The following PPHLN1 variants were observed in gnomAD, a reference collection of about 807,000 sequenced individuals.
PPHLN1 encodes periphilin-1.
A neutral mutation model predicts 51.3 loss-of-function variants in PPHLN1; 29 were observed. The ratio of observed to expected loss-of-function variants is 0.57; its 90% CI spans 0.42 to 0.77. The LOEUF (loss-of-function observed/expected upper bound fraction) is 0.77. Among genes scored for constraint, PPHLN1 ranks in the 30% least tolerant of loss-of-function variants. The pLI, the probability that PPHLN1 is intolerant of heterozygous loss-of-function variation, is 0.00. For missense variants in PPHLN1, 436 were observed against 438.4 expected (o/e 0.99, Z 0.05); for synonymous variants, 147 against 147.8 (o/e 0.99, Z 0.04).
chr12:42,378,964 C>T (rs1368258704), intron 5 of PPHLN1, among the ~76,000 whole-genome samples: 2 of 152,016 alleles, frequency 1.3e-5, no homozygotes, highest in African/African-American at 4.8e-5. Flanking sequence ...TCCCAGTTAA[C>T]CTCATGTCCT....
At chr12:42,385,818 T>A (rs1389876317) in intron 6 of PPHLN1, among the ~76,000 whole-genome samples, 1 of 152,172 alleles carries the variant, frequency 6.6e-6, no homozygotes, top group Non-Finnish European at 1.5e-5. Context: ...GCCACAGATA[T>A]TTGGAAATGA....
downstream of PPHLN1, chr12:42,446,075 C>T (rs370089469): frequency 1.9e-6 from 3 of 1,549,760 alleles, no homozygotes; most frequent in Non-Finnish European, 2.6e-6. Context: ...GGCCCCGCAG[C>T]CCCCGCAGGC....
downstream of PPHLN1, chr12:42,446,945 C>A: frequency 3.6e-6 from 1 of 278,690 alleles, no homozygotes; most frequent in African/African-American, 2.2e-5. Context: ...AGGGGGGCGA[C>A]AATGTTCATT....
chr12:42,343,293 T>C (rs1365381251), intron 2 of PPHLN1, among the ~76,000 whole-genome samples: 1 of 152,208 alleles, frequency 6.6e-6, no homozygotes, highest in Non-Finnish European at 1.5e-5. Context: ...ATATTATTAT[T>C]GTTTTATACA....
At chr12:42,397,652 A>G (rs957217871) in intron 8 of PPHLN1, among the ~76,000 whole-genome samples, 4 of 152,088 alleles carry the variant, frequency 2.6e-5, no homozygotes, top group Non-Finnish European at 4.4e-5. Flanking sequence ...GAATGTTGCT[A>G]GTGGAATTCT....
intron 8 of PPHLN1, among the ~76,000 whole-genome samples, chr12:42,397,809 T>C (rs972172294): frequency 6.6e-5 from 10 of 152,098 alleles, no homozygotes; most frequent in African/African-American, 2.4e-4. Context: ...TGGTGTGATT[T>C]TGGCTCACTG....
At chr12:42,352,494 G>A (rs1424805175) in intron 3 of PPHLN1, among the ~76,000 whole-genome samples, 1 of 150,026 alleles carries the variant, frequency 6.7e-6, no homozygotes, top group Admixed American at 6.7e-5. Flanking sequence ...ACTGCAACCT[G>A]TGCCTCCTGG....
At chr12:42,341,048 T>C (rs934742564) in intron 2 of PPHLN1, among the ~76,000 whole-genome samples, 2 of 150,842 alleles carry the variant, frequency 1.3e-5, no homozygotes, top group African/African-American at 4.9e-5. Context: ...TGGCATGATC[T>C]CAGCTCACTG....
intron 9 of PPHLN1, among the ~76,000 whole-genome samples, chr12:42,415,545 A>G (rs1176589847): frequency 4.6e-5 from 7 of 152,186 alleles, no homozygotes; most frequent in African/African-American, 1.7e-4. Flanking sequence ...TCCTAGCTTT[A>G]TGTAGACCCC....
chr12:42,358,969 TA>T (rs912329373), intron 4 of PPHLN1, among the ~76,000 whole-genome samples: 7 of 152,240 alleles, frequency 4.6e-5, no homozygotes, highest in Non-Finnish European at 8.8e-5. Flanking sequence ...TAATTTTTTT[TA>T]ATAAAAATCT....
At chr12:42,442,606 G>C, downstream of PPHLN1, 1 of 1,613,148 alleles carries the variant, frequency 6.2e-7, no homozygotes, top group Non-Finnish European at 8.5e-7. Flanking sequence ...AAATACCTGC[G>C]TCTGAATACT....
Position 42,375,065 on chromosome 12 carries a change from C to T in PPHLN1, c.502C>T (p.Gln168Ter). The T allele has an allele frequency of 6.2e-7, 1 of 1,605,544 alleles. No homozygotes were observed. The highest frequency in any genetic ancestry group is 8.5e-7 in the Non-Finnish European group (1 of 1,173,854). The change falls in exon 5 of 10, where the codon CAA becomes TAA. Residue 168 changes from glutamine to a stop codon, truncating the protein, a stop_gained. Coordinates refer to ENST00000358314, the MANE Select transcript of PPHLN1 (RefSeq NM_201439.2). LOFTEE classifies it high-confidence loss of function. ...CAAATCATACTCTTTCCATCAGTCT[C>T]AACATAGAAGTATGTATTTTAAGAC... ...RSKSYSFHQS[Q>*]HRKSVRPGAS...
intron 4 of PPHLN1, among the ~76,000 whole-genome samples, chr12:42,357,094 G>C (rs2138345559): frequency 6.6e-6 from 1 of 152,238 alleles, no homozygotes; most frequent in South Asian, 2.1e-4. Context: ...CCTATACAAG[G>C]AAATTACAAA....
At position 42,375,048 on chromosome 12, in the gene PPHLN1, A is replaced by T; in HGVS notation, c.485A>T (p.Tyr162Phe). 1.2e-6 allele frequency: 2 copies of T among 1,611,272 alleles called. No homozygotes were observed. The change falls in exon 5 of 10, where the codon TAC becomes TTC. Residue 162 changes from tyrosine (Y) to phenylalanine (F), a missense_variant. Physicochemically the swap from Tyr to Phe is conservative, Grantham distance 22. Transcript: ENST00000358314. ...RSYSPERSKS[Y>F]SFHQSQHRKS... Reference sequence around the variant, plus strand: ...TACTCTCCAGAAAGGAGCAAATCATACTCTTTCCATCAGTCTCAACATAGA... The same window carrying T: ...TACTCTCCAGAAAGGAGCAAATCATTCTCTTTCCATCAGTCTCAACATAGA...
intron 9 of PPHLN1, among the ~76,000 whole-genome samples, chr12:42,426,451 A>G (rs1055263826): frequency 3.3e-5 from 5 of 152,130 alleles, no homozygotes; most frequent in Non-Finnish European, 5.9e-5. Flanking sequence ...AATCTAGGCT[A>G]TGAATGTTTA....
Position 42,368,817 on chromosome 12 carries a change from A to G in PPHLN1, c.300-6046A>G, listed in dbSNP as rs145226063. Among the ~76,000 whole-genome samples the G allele has an allele frequency of 3.6e-3, 550 of 152,332 alleles. 5 individuals carry two copies. The highest frequency in any genetic ancestry group is 0.013 in the African/African-American group (533 of 41,584). ...ATTTAATTTTTCTTTCCAAAATACA[A>G]TTAAACTTTTAAAGCACAAAAATTT... is the stretch of plus-strand genomic sequence containing the variant. On this transcript the variant is annotated intron_variant, in intron 4 of 9. Coordinates refer to ENST00000358314, the MANE Select transcript of PPHLN1 (RefSeq NM_201439.2).
chr12:42,367,270 T>G (rs1415396903), intron 4 of PPHLN1, among the ~76,000 whole-genome samples: 1 of 152,218 alleles, frequency 6.6e-6, no homozygotes, highest in Non-Finnish European at 1.5e-5. Context: ...TGAATAATGG[T>G]GAGTACTCTG....
chr12:42,407,494 A>G (rs1387648283), intron 9 of PPHLN1, among the ~76,000 whole-genome samples: 2 of 152,242 alleles, frequency 1.3e-5, no homozygotes, highest in Non-Finnish European at 2.9e-5. Flanking sequence ...TCTCCAAGTC[A>G]CATACCATCA....
intron 6 of PPHLN1, 26 bp downstream of exon 6, chr12:42,385,022 T>A (rs1429462193): frequency 1.3e-6 from 2 of 1,580,692 alleles, no homozygotes; most frequent in Admixed American, 1.7e-5. Flanking sequence ...GACTCTGATT[T>A]GGGATTGTGA....
Sources: allele counts gnomAD v4.1 joint callset (sites outside exome capture counted in the v4.1 genomes callset), GRCh38; gene constraint gnomAD v4.1.1; transcripts MANE v1.5; gene names NCBI Gene and HGNC (gene_info 2026-07-23, HGNC 2026-07-21).